The following DIP2A variants were observed in gnomAD, a reference collection of about 807,000 sequenced individuals.
DIP2A encodes disco-interacting protein 2 homolog A.
In DIP2A, 85 loss-of-function variants were observed where a neutral mutation model predicts 177.4. The observed-to-expected ratio is 0.48, with a 90% CI of 0.40 to 0.57. The LOEUF (loss-of-function observed/expected upper bound fraction) is 0.57, where lower values mean the gene tolerates loss of function less well. Among genes scored for constraint, DIP2A ranks in the 20% least tolerant of loss-of-function variants. The probability of loss-of-function intolerance (pLI) is 0.00; values close to 1 mark genes in which losing one functional copy is unlikely to be tolerated. For synonymous variants in DIP2A, 886 were observed against 881.8 expected, an observed-to-expected ratio of 1.00 and a Z score of -0.08; for missense variants, 1,791 against 2,100.2, an observed-to-expected ratio of 0.85 and a Z score of 2.88.
At chr21:46,500,547 C>T (rs188555471) in intron 5 of DIP2A, among the ~76,000 whole-genome samples, 2 of 152,322 alleles carry the variant, frequency 1.3e-5, no homozygotes, top group East Asian at 1.9e-4. Flanking sequence ...GTTCTGTTAC[C>T]TCATTTCTTC....
chr21:46,478,335 C>T (rs932656020), intron 1 of DIP2A, among the ~76,000 whole-genome samples: 10 of 152,024 alleles, frequency 6.6e-5, no homozygotes, highest in Non-Finnish European at 1.5e-4. Context: ...GCCTCAGCCT[C>T]CCGAGTAGCT....
chr21:46,471,790 A>T (rs2055404850), intron 1 of DIP2A, among the ~76,000 whole-genome samples: 1 of 152,222 alleles, frequency 6.6e-6, no homozygotes, highest in South Asian at 2.1e-4. Flanking sequence ...AGCTAAAATT[A>T]TAGCTGGGAG....
intron 32 of DIP2A, 52 bp downstream of exon 32, chr21:46,558,445 GAC>G (rs1238687800): frequency 6.5e-7 from 1 of 1,533,968 alleles, no homozygotes; most frequent in African/African-American, 1.4e-5. Flanking sequence ...GCAGCATGGA[GAC>G]CCAGTTTCCC....
chr21:46,515,452 C>CT lies in DIP2A; in HGVS notation c.1102+3851dup, dbSNP rs59288880. On this transcript the variant is annotated intron_variant, in intron 8 of 37. Coordinates refer to ENST00000417564, the MANE Select transcript of DIP2A (RefSeq NM_015151.4). ...GAACCCAGCCTGTGACACACTTCCT[C>CT]TTTTTTTTTTTTTATATATTCTCCT... Among the ~76,000 whole-genome samples, 1,132 of 145,648 alleles carry CT rather than the reference C, an allele frequency of 7.8e-3. 12 individuals are homozygous for CT. Among genetic ancestry groups the CT allele is most frequent in the Middle Eastern group, 0.022 (6 of 278 alleles).
the DIP2A span, among the ~76,000 whole-genome samples, chr21:46,580,215 T>C: frequency 3.6e-4 from 54 of 152,062 alleles, no homozygotes; most frequent in African/African-American, 1.2e-3. Context: ...GCCCTTCTTT[T>C]TTTTAATCTT....
chr21:46,525,325 A>G (rs1255795754), intron 8 of DIP2A, among the ~76,000 whole-genome samples: 3 of 152,120 alleles, frequency 2.0e-5, no homozygotes, highest in Non-Finnish European at 4.4e-5. Context: ...GTTTTTGTGA[A>G]TGGTGTGGGA....
rs2148519836 is a variant in DIP2A, at chr21:46,497,108, G to A, written c.403+1G>A. ...TCTGTGGAAACCTACACCCCTCCAG[G>A]TATTGATAAACAATGTCAAGTGTGG... On this transcript the variant is annotated splice_donor_variant, in intron 4 of 37. Coordinates refer to ENST00000417564, the MANE Select transcript of DIP2A (RefSeq NM_015151.4). LOFTEE classifies it high-confidence loss of function. The A allele has an allele frequency of 6.2e-7, 1 of 1,600,116 alleles. No individual in the cohort carries two copies. Among genetic ancestry groups the A allele is most frequent in the Non-Finnish European group, 8.5e-7 (1 of 1,176,692 alleles).
At chr21:46,542,131 T>TG (rs771900779) in intron 18 of DIP2A, among the ~76,000 whole-genome samples, 3 of 152,198 alleles carry the variant, frequency 2.0e-5, no homozygotes, top group South Asian at 2.1e-4. Flanking sequence ...GTAAAAGATT[T>TG]CTCAAGAATG....
At position 46,533,569 on chromosome 21, in the gene DIP2A, G is replaced by A; in HGVS notation, c.1351G>A (p.Val451Ile). 6.2e-7 allele frequency: 1 copy of A among 1,614,034 alleles called. No individual in the cohort carries two copies. The highest frequency in any genetic ancestry group is 8.5e-7 in the Non-Finnish European group (1 of 1,179,896). ...QVGFLLGSCG[V>I]FLALTTDACQ... ...TGGGTTTCTGCTGGGCAGCTGTGGA[G>A]TCTTCTTGGCCCTGACCACAGACGC... The change falls in exon 11 of 38, where the codon GTC becomes ATC. Residue 451 changes from valine (V) to isoleucine (I), a missense_variant. Coordinates refer to ENST00000417564, the MANE Select transcript of DIP2A (RefSeq NM_015151.4).
chr21:46,523,354 C>T (rs1175094937), intron 8 of DIP2A, among the ~76,000 whole-genome samples: 3 of 151,758 alleles, frequency 2.0e-5, no homozygotes, highest in Non-Finnish European at 4.4e-5. Context: ...CCTGCCTCAA[C>T]CTCCTGAGTA....
intron 2 of DIP2A, among the ~76,000 whole-genome samples, chr21:46,486,564 T>A (rs1188632404): frequency 2.0e-5 from 3 of 152,158 alleles, no homozygotes; most frequent in Non-Finnish European, 4.4e-5. Context: ...AGTAGAGAAA[T>A]GGATGAAGAT....
chr21:46,563,861 C>G lies in DIP2A; in HGVS notation c.4093C>G (p.Leu1365Val), dbSNP rs1479960333. 2 of 1,613,356 alleles carry G rather than the reference C, an allele frequency of 1.2e-6. No homozygotes were observed. The highest frequency in any genetic ancestry group is 2.7e-5 in the African/African-American group (2 of 74,840). The change falls in exon 35 of 38, where the codon CTC (leucine) becomes GTC (valine). Residue 1365 changes from leucine to valine, a missense_variant. Coordinates refer to ENST00000417564, the MANE Select transcript of DIP2A (RefSeq NM_015151.4). The surrounding 1 kb of genome is among the most constrained non-coding windows in gnomAD (Gnocchi z 4.3). ...SLPLMESGKI[L>V]PGVKVIIAHT... is the part of the protein sequence containing the mutation. ...GACATAGCTCTCCTCCTTCCAGATC[C>G]TCCCCGGCGTGAAGGTCATCATCGC...
intron 8 of DIP2A, among the ~76,000 whole-genome samples, chr21:46,523,321 G>A (rs142208646): frequency 2.5e-4 from 38 of 151,550 alleles, no homozygotes; most frequent in African/African-American, 7.8e-4. Flanking sequence ...TGCAACCTCC[G>A]CCTCCCAGGT....
At position 46,563,150 on chromosome 21, in the gene DIP2A, G is replaced by C. The variant is rs957013990; in HGVS notation, c.4090-708G>C. The stretch of plus-strand genomic sequence containing the variant: ...CAACAGCATCTGGGGAAACAGAACA[G>C]TCCCACTCCGCCGGGGAGGGTCTGG... On this transcript the variant is annotated intron_variant, in intron 34 of 37. Transcript: ENST00000417564. This position sits in a 1 kb window ranked among gnomAD's most constrained non-coding sequence, Gnocchi z 4.3. 1.3e-5 allele frequency among the ~76,000 whole-genome samples: 2 copies of C among 152,204 alleles called. No individual in the cohort carries two copies. Among genetic ancestry groups the C allele is most frequent in the Non-Finnish European group, 2.9e-5 (2 of 68,042 alleles).
chr21:46,490,070 G>A (rs1246597270), intron 2 of DIP2A, among the ~76,000 whole-genome samples: 5 of 152,132 alleles, frequency 3.3e-5, no homozygotes, highest in East Asian at 1.9e-4. Context: ...GGGCCCTGAC[G>A]CCATCTTTCT....
intron 1 of DIP2A, among the ~76,000 whole-genome samples, chr21:46,475,659 G>A (rs2055777255): frequency 6.6e-6 from 1 of 152,192 alleles, no homozygotes; most frequent in African/African-American, 2.4e-5. Context: ...TGTGAGTCAT[G>A]ATATATGTAC....
chr21:46,516,243 A>G (rs1465105006), intron 8 of DIP2A, among the ~76,000 whole-genome samples: 4 of 152,044 alleles, frequency 2.6e-5, no homozygotes, highest in African/African-American at 9.7e-5. Flanking sequence ...GGGCTTCTTG[A>G]ATCTGTAGAA....
At chr21:46,541,936 T>C (rs777329299) in intron 18 of DIP2A, 41 bp downstream of exon 18, 1 of 1,612,794 alleles carries the variant, frequency 6.2e-7, no homozygotes, top group Admixed American at 1.7e-5. Flanking sequence ...CCATGACTGA[T>C]TGAGGTAACG....
Position 46,534,026 on chromosome 21 carries a change from A to G in DIP2A, c.1452A>G (p.Leu484=). The stretch of plus-strand genomic sequence containing the variant: ...CAGGTTGGCCCCCGCTCTCCTGGCT[A>G]GTGATTGATGGGAAGCATCTAGCCA... ...AFKGWPPLSW[L]VIDGKHLAKP... is the part of the protein sequence containing the mutation. The change falls in exon 12 of 38, where the codon CTA becomes CTG. Residue 484 remains leucine, a synonymous_variant. Transcript: ENST00000417564. The G allele has an allele frequency of 6.2e-7, 1 of 1,613,630 alleles. No individual in the cohort carries two copies. Among genetic ancestry groups the G allele is most frequent in the Non-Finnish European group, 8.5e-7 (1 of 1,179,804 alleles).
Sources: allele counts gnomAD v4.1 joint callset (sites outside exome capture counted in the v4.1 genomes callset), GRCh38; gene constraint gnomAD v4.1.1; non-coding constraint Gnocchi (gnomAD v3.1); transcripts MANE v1.5; gene names NCBI Gene and HGNC (gene_info 2026-07-23, HGNC 2026-07-21).